The following NALF1 variants were observed in gnomAD, a reference collection of about 807,000 sequenced individuals.
NALF1 encodes the protein family with sequence similarity 155 member A.
A neutral mutation model predicts 48.4 loss-of-function variants in NALF1; 3 were observed. The ratio of observed to expected loss-of-function variants is 0.06; its 90% CI spans 0.03 to 0.16. The LOEUF (loss-of-function observed/expected upper bound fraction) is 0.16. Ranked by LOEUF, NALF1 falls within the 10% of genes least tolerant of loss-of-function variation. NALF1 has a pLI of 1.00. For synonymous variants in NALF1, 262 were observed against 245.7 expected (o/e 1.07, Z -0.62); for missense variants, 526 against 571.5 (o/e 0.92, Z 0.81).
At chr13:107,612,005 A>T (rs1879235962) in intron 1 of NALF1, among the ~76,000 whole-genome samples, 1 of 137,882 alleles carries the variant, frequency 7.3e-6, no homozygotes, top group South Asian at 2.6e-4. Flanking sequence ...GAGGAGAGAG[A>T]CAGGGAAAGA....
intron 1 of NALF1, among the ~76,000 whole-genome samples, chr13:107,361,542 G>C (rs1294132534): frequency 6.6e-6 from 1 of 152,032 alleles, no homozygotes; most frequent in Non-Finnish European, 1.5e-5. Context: ...ATGAGCCATG[G>C]AAAAAAAGTG....
At chr13:107,754,681 T>C (rs1049910958) in intron 1 of NALF1, among the ~76,000 whole-genome samples, 5 of 152,198 alleles carry the variant, frequency 3.3e-5, no homozygotes, top group Middle Eastern at 3.2e-3. Context: ...GTCCTTCATA[T>C]GAAAGTTGGA....
At chr13:107,223,505 T>A (rs1455311132) in intron 1 of NALF1, among the ~76,000 whole-genome samples, 3 of 152,210 alleles carry the variant, frequency 2.0e-5, no homozygotes, top group African/African-American at 7.2e-5. Context: ...GTCTAAAAGC[T>A]GAGAAAACAT....
intron 1 of NALF1, among the ~76,000 whole-genome samples, chr13:107,320,587 T>A (rs912615423): frequency 6.6e-6 from 1 of 152,104 alleles, no homozygotes; most frequent in African/African-American, 2.4e-5. Context: ...TCAGGAATTA[T>A]TCCTATAATC....
chr13:107,241,642 A>G (rs1280647568), intron 1 of NALF1, among the ~76,000 whole-genome samples: 1 of 152,182 alleles, frequency 6.6e-6, no homozygotes, highest in African/African-American at 2.4e-5. Flanking sequence ...AAGCCCTTAC[A>G]GCAGTGTCTG....
intron 1 of NALF1, among the ~76,000 whole-genome samples, chr13:107,245,869 T>C (rs1880571961): frequency 6.6e-6 from 1 of 152,198 alleles, no homozygotes; most frequent in Non-Finnish European, 1.5e-5. Context: ...GTGATTCTAC[T>C]GAGATCTGGC....
chr13:107,272,668 T>C (rs7317198), intron 1 of NALF1, among the ~76,000 whole-genome samples: 106,038 of 152,038 alleles, frequency 0.7, 37,553 homozygotes, highest in South Asian at 0.82. Context: ...ACAGTTCATG[T>C]AATGACTTTG....
At chr13:107,496,921 G>C (rs1445024392) in intron 1 of NALF1, among the ~76,000 whole-genome samples, 1 of 152,124 alleles carries the variant, frequency 6.6e-6, no homozygotes, top group Non-Finnish European at 1.5e-5. Flanking sequence ...CCTCCCACCA[G>C]GTCCCTTCCA....
chr13:107,517,243 G>C (rs1876085718), intron 1 of NALF1, among the ~76,000 whole-genome samples: 1 of 151,384 alleles, frequency 6.6e-6, no homozygotes, highest in African/African-American at 2.5e-5. Context: ...AAATAGTCTT[G>C]AAAAACTAAA....
intron 2 of NALF1, among the ~76,000 whole-genome samples, chr13:107,194,024 CTATCT>C (rs1055050079): frequency 3.4e-4 from 44 of 130,120 alleles, no homozygotes; most frequent in South Asian, 6.6e-4. Flanking sequence ...ATCTATCTAT[CTATCT>C]ATCTATCTAT....
chr13:107,545,034 C>T lies in NALF1; in HGVS notation c.915+320648G>A, dbSNP rs560516825. Among the ~76,000 whole-genome samples the T allele has an allele frequency of 2.0e-5, 3 of 152,242 alleles. No homozygotes were observed. The East Asian group carries it at 5.8e-4, about 29-fold the overall frequency. On this transcript the variant is annotated intron_variant, in intron 1 of 2. Coordinates refer to ENST00000375915, the MANE Select transcript of NALF1 (RefSeq NM_001080396.3). ...TTGTTCTGCGTTATGGGCTAAGTTG[C>T]CCCCTCAAAAGATATGCCGACGTCC...
At chr13:107,720,475 C>CACT (rs752137323) in intron 1 of NALF1, among the ~76,000 whole-genome samples, 2 of 137,082 alleles carry the variant, frequency 1.5e-5, no homozygotes, top group East Asian at 4.5e-4. Context: ...TGCGCCCCTG[C>CACT]ACTCCAGCCT....
intron 1 of NALF1, among the ~76,000 whole-genome samples, chr13:107,351,096 C>A (rs2138945094): frequency 6.6e-6 from 1 of 152,298 alleles, no homozygotes; most frequent in East Asian, 1.9e-4. Flanking sequence ...GTAAACCTTC[C>A]TATATGCTGA....
At chr13:107,545,201 C>T (rs555956839) in intron 1 of NALF1, among the ~76,000 whole-genome samples, 44 of 152,268 alleles carry the variant, frequency 2.9e-4, no homozygotes, top group African/African-American at 9.1e-4. Context: ...AAGACAGATA[C>T]ATGCAGAGGG....
At chr13:107,549,558 C>T (rs1299699377) in intron 1 of NALF1, among the ~76,000 whole-genome samples, 2 of 152,048 alleles carry the variant, frequency 1.3e-5, no homozygotes, top group African/African-American at 2.4e-5. Context: ...TACATCTCTC[C>T]ACCAGATTCC....
At position 107,170,615 on chromosome 13, in the gene NALF1, C is replaced by T. The variant is rs1284061456; in HGVS notation, c.1259G>A (p.Cys420Tyr). 6.2e-7 allele frequency: 1 copy of T among 1,614,210 alleles called. No homozygotes were observed. The highest frequency in any genetic ancestry group is 1.1e-5 in the South Asian group (1 of 91,088). ...GTGTAAGAGAATCAGTACAAGAACA[C>T]ACAGCTTGAGTCTGCTGTTGCACAG... ...TRLCNSRLKL[C>Y]VLVLILLHTV... The change falls in exon 3 of 3, where the codon TGT becomes TAT. Residue 420 changes from cysteine to tyrosine, a missense_variant. By Grantham distance (194) the Cys-to-Tyr change is radical. Around this residue, in one of 2 missense-constraint regions of NALF1, gnomAD observed 153 missense variants for 215.9 expected, o/e 0.71. Coordinates refer to ENST00000375915, the MANE Select transcript of NALF1 (RefSeq NM_001080396.3).
At chr13:107,247,416 G>T (rs1880607106) in intron 1 of NALF1, among the ~76,000 whole-genome samples, 1 of 152,178 alleles carries the variant, frequency 6.6e-6, no homozygotes, top group Admixed American at 6.6e-5. Context: ...ACACCCCAAA[G>T]GGGTTTGATT....
intron 1 of NALF1, among the ~76,000 whole-genome samples, chr13:107,569,180 T>C (rs1365343504): frequency 1.3e-5 from 2 of 152,160 alleles, no homozygotes; most frequent in Non-Finnish European, 2.9e-5. Flanking sequence ...TTAAAAGTGC[T>C]ACCCCACAGC....
intron 1 of NALF1, among the ~76,000 whole-genome samples, chr13:107,261,305 T>A (rs1192583018): frequency 6.6e-6 from 1 of 152,030 alleles, no homozygotes; most frequent in Non-Finnish European, 1.5e-5. Context: ...CTCCATCCCA[T>A]CTCCACGCCC....
Sources: allele counts gnomAD v4.1 joint callset (sites outside exome capture counted in the v4.1 genomes callset), GRCh38; gene constraint gnomAD v4.1.1; regional missense constraint gnomAD v4.1.1; transcripts MANE v1.5; gene names NCBI Gene and HGNC (gene_info 2026-07-23, HGNC 2026-07-21).